RSPO1: variants seen among roughly 807,000 people sequenced by gnomAD.
The protein encoded by RSPO1 is R-spondin-1.
Under a neutral mutation model 26.0 loss-of-function variants are expected in RSPO1, and 18 were observed. The ratio of observed to expected loss-of-function variants is 0.69; its 90% CI spans 0.48 to 1.03. RSPO1 has a LOEUF of 1.03. RSPO1 is among the 50% of genes least tolerant of loss of function. The pLI is 0.00. For missense variants in RSPO1, 309 were observed against 352.3 expected (o/e 0.88, Z 0.98); for synonymous variants, 133 against 137.4 (o/e 0.97, Z 0.22).
At chr1:37,632,081 G>A (rs1240512932) in intron 2 of RSPO1, 1 of 152,200 alleles carries the variant, frequency 6.6e-6, no homozygotes, top group Non-Finnish European at 1.5e-5. Context: ...CTCACTGCGT[G>A]ATCAATATCC....
chr1:37,623,868 T>C (rs1644239644), intron 3 of RSPO1, among the ~76,000 whole-genome samples: 3 of 151,278 alleles, frequency 2.0e-5, no homozygotes, highest in Admixed American at 2.0e-4. Flanking sequence ...CAAGCGATTC[T>C]CCTGCCTCAG....
rs114895055 is a variant in RSPO1, at chr1:37,621,360, T to A, written c.95-4685A>T. Among the ~76,000 whole-genome samples the A allele has an allele frequency of 3.8e-3, 573 of 152,104 alleles. 2 individuals are homozygous for A. Among genetic ancestry groups the A allele is most frequent in the African/African-American group, 0.013 (540 of 41,464 alleles). Reference sequence around the variant, plus strand: ...TTAGAAAGATCACTCCGTAGAGTGGTGAATGGATTTTCCGAGGGCAAGAGT... The same window carrying A: ...TTAGAAAGATCACTCCGTAGAGTGGAGAATGGATTTTCCGAGGGCAAGAGT... On this transcript the variant is annotated intron_variant, in intron 3 of 6. Transcript: ENST00000356545.
intron 3 of RSPO1, among the ~76,000 whole-genome samples, chr1:37,627,981 G>A (rs1271536513): frequency 1.3e-5 from 2 of 152,212 alleles, no homozygotes; most frequent in African/African-American, 4.8e-5. Context: ...CGTCAAAATT[G>A]GTGCAGGAGA....
intron 2 of RSPO1, among the ~76,000 whole-genome samples, chr1:37,630,655 G>T (rs1644346322): frequency 6.6e-6 from 1 of 152,222 alleles, no homozygotes; most frequent in African/African-American, 2.4e-5. Context: ...GCCGGCTGGG[G>T]TGATGGGGGC....
chr1:37,614,393 C>A lies in RSPO1; in HGVS notation c.287-60G>T, dbSNP rs11588571. ...GCCTGGTGAGAATGTTTCCCCTCAT[C>A]CCCAGCCCCAATACCCTCCCTTCTG... On this transcript the variant is annotated intron_variant, in intron 4 of 6. Transcript: ENST00000356545. 90,556 of 1,597,198 alleles carry A rather than the reference C, an allele frequency of 0.057. 2,897 individuals are homozygous for A. Among genetic ancestry groups the A allele is most frequent in the Non-Finnish European group, 0.066 (77,610 of 1,167,296 alleles).
chr1:37,615,399 A>G (rs963310506), intron 4 of RSPO1, among the ~76,000 whole-genome samples: 6 of 152,230 alleles, frequency 3.9e-5, no homozygotes, highest in Non-Finnish European at 5.9e-5. Flanking sequence ...CCTAGGGGGT[A>G]AAAACAAAGA....
In RSPO1 at chr1:37,612,656, G is replaced by A; in HGVS notation, c.*99C>T. ...TATGCATGGATGGATTGGAGTGTGT[G>A]TGTATGCTTTGCCCCCGACGTTCCA... On this transcript the variant is annotated 3_prime_UTR_variant, in exon 7 of 7. Coordinates refer to ENST00000356545, the MANE Select transcript of RSPO1 (RefSeq NM_001242908.2). 1.6e-6 allele frequency: 2 copies of A among 1,245,208 alleles called. No individual in the cohort carries two copies. Among genetic ancestry groups the A allele is most frequent in the South Asian group, 2.4e-5 (2 of 83,184 alleles). 77.1% of individuals were successfully genotyped at this position (1,245,208 alleles called of 1,614,324 possible). A position where few individuals can be genotyped will look rare whatever the true frequency, so the allele number is the denominator to read the frequency against.
Position 37,613,857 on chromosome 1 carries a change from G to GC in RSPO1, c.471dup (p.Pro158AlafsTer35). Reference sequence around the variant, plus strand: ...CAGAGCTGCTGCTTCTTGGAGCAGGGCCCCCACGGAGACCACTCGCTCATT... The same window carrying GC: ...CAGAGCTGCTGCTTCTTGGAGCAGGGCCCCCCACGGAGACCACTCGCTCATT... On this transcript the variant is annotated frameshift_variant, in exon 6 of 7. Transcript: ENST00000356545. LOFTEE classifies it high-confidence loss of function. The surrounding 1 kb of genome is among the most constrained non-coding windows in gnomAD (Gnocchi z 4.5). 6.2e-7 allele frequency: 1 copy of GC among 1,614,070 alleles called. No homozygotes were observed. Among genetic ancestry groups the GC allele is most frequent in the Non-Finnish European group, 8.5e-7 (1 of 1,179,998 alleles).
Position 37,629,587 on chromosome 1 carries a change from C to A in RSPO1, c.75G>T (p.Lys25Asn). Residue 25 changes from lysine to asparagine, a missense_variant, in exon 3 of 7, where the codon AAG (lysine) becomes AAT (asparagine). Lys to Asn is a moderately conservative substitution (Grantham distance 94). Transcript: ENST00000356545. The stretch of plus-strand genomic sequence containing the variant: ...ACTCACTCCGCCTCTGCCTTTTCCC[C>A]TTGATCCCCCGGCTGCTGATGGTGA... Reference protein sequence around the residue: ...THLTISSRGIKGKRQRRISAE... With the variant: ...THLTISSRGINGKRQRRISAE... 6.2e-7 allele frequency: 1 copy of A among 1,614,202 alleles called. No homozygotes were observed. Among genetic ancestry groups the A allele is most frequent in the Non-Finnish European group, 8.5e-7 (1 of 1,180,050 alleles).
Position 37,625,703 on chromosome 1 carries a change from A to G in RSPO1, c.94+3865T>C, listed in dbSNP as rs566355770. Among the ~76,000 whole-genome samples, 606 of 151,078 alleles carry G rather than the reference A, an allele frequency of 4.0e-3. 4 individuals are homozygous for G. Among genetic ancestry groups the G allele is most frequent in the African/African-American group, 0.014 (573 of 41,140 alleles). Reference sequence around the variant, plus strand: ...TTCTTTTTTTTTTTTTTTGGAAACAAAGTCTTGCTCTGTCACCCAAGCTGG... The same window carrying G: ...TTCTTTTTTTTTTTTTTTGGAAACAGAGTCTTGCTCTGTCACCCAAGCTGG... On this transcript the variant is annotated intron_variant, in intron 3 of 6. Transcript: ENST00000356545.
At chr1:37,623,000 G>A (rs1035628009) in intron 3 of RSPO1, among the ~76,000 whole-genome samples, 3 of 152,012 alleles carry the variant, frequency 2.0e-5, no homozygotes, top group South Asian at 2.1e-4. Context: ...GTAGAGACCC[G>A]AGGACACGAG....
rs536644162 is a variant in RSPO1 at position 37,634,456 on chromosome 1, C to T, written c.-356+110G>A. 6 of 152,434 alleles carry T rather than the reference C, an allele frequency of 3.9e-5. No homozygotes were observed. The highest frequency in any genetic ancestry group is 1.4e-4 in the African/African-American group (6 of 41,524). 9.4% of individuals were successfully genotyped at this position (152,434 alleles called of 1,614,324 possible). On this transcript the variant is annotated intron_variant, in intron 1 of 6. Coordinates refer to ENST00000356545, the MANE Select transcript of RSPO1 (RefSeq NM_001242908.2). The surrounding 1 kb of genome is among the most constrained non-coding windows in gnomAD (Gnocchi z 4.7). ...ATCAGACTCCCCTTCCTTTCTGTCT[C>T]CCCCCACGCACCCAGCTAGAACCAG...
At chr1:37,623,372 A>G (rs922314752) in intron 3 of RSPO1, among the ~76,000 whole-genome samples, 2 of 152,138 alleles carry the variant, frequency 1.3e-5, no homozygotes, top group African/African-American at 4.8e-5. Context: ...TATTTACTGC[A>G]CACCTCACAG....
intron 3 of RSPO1, among the ~76,000 whole-genome samples, chr1:37,617,014 G>A (rs1424498770): frequency 6.6e-6 from 1 of 152,202 alleles, no homozygotes; most frequent in African/African-American, 2.4e-5. Context: ...GCACAAAACA[G>A]TCAGCCTTAG....
intron 3 of RSPO1, among the ~76,000 whole-genome samples, chr1:37,622,239 A>T (rs1485755636): frequency 6.6e-6 from 1 of 152,196 alleles, no homozygotes; most frequent in African/African-American, 2.4e-5. Flanking sequence ...TGTGAGCCCA[A>T]CCTGGTGGTG....
intron 3 of RSPO1, among the ~76,000 whole-genome samples, chr1:37,620,325 C>T (rs537751264): frequency 2.0e-4 from 31 of 152,208 alleles, no homozygotes; most frequent in African/African-American, 7.2e-4. Context: ...CCAGCCTGGG[C>T]AACATAGGGA....
Position 37,611,632 on chromosome 1 carries a change from G to A in RSPO1, c.*1123C>T, listed in dbSNP as rs1644026190. The A allele has an allele frequency of 6.6e-6, 1 of 152,642 alleles. No individual in the cohort carries two copies. Among genetic ancestry groups the A allele is most frequent in the South Asian group, 2.1e-4 (1 of 4,834 alleles). 9.5% of individuals were successfully genotyped at this position (152,642 alleles called of 1,614,324 possible). On this transcript the variant is annotated 3_prime_UTR_variant, in exon 7 of 7. Transcript: ENST00000356545. ...CATCCACTGCCCTGCCTTTGGGCAG[G>A]ATTGTCCCCAACCATCACTGGAAGC...
intron 3 of RSPO1, among the ~76,000 whole-genome samples, chr1:37,621,769 T>C (rs1425894665): frequency 1.3e-5 from 2 of 151,934 alleles, no homozygotes; most frequent in Non-Finnish European, 2.9e-5. Context: ...AGTTCTTTTT[T>C]CTTTTTTCTT....
chr1:37,630,819 C>T (rs747006695), intron 2 of RSPO1, among the ~76,000 whole-genome samples: 23 of 152,336 alleles, frequency 1.5e-4, no homozygotes, highest in Admixed American at 5.2e-4. Flanking sequence ...GGCCTGCCCA[C>T]GCACACCCCA....
Sources: allele counts gnomAD v4.1 joint callset (sites outside exome capture counted in the v4.1 genomes callset), GRCh38; gene constraint gnomAD v4.1.1; non-coding constraint Gnocchi (gnomAD v3.1); transcripts MANE v1.5; gene names NCBI Gene and HGNC (gene_info 2026-07-23, HGNC 2026-07-21).